Variants in SIL1 observed in about 807,000 individuals in gnomAD.
SIL1 encodes the protein nucleotide exchange factor SIL1.
Under a neutral mutation model 49.1 loss-of-function variants are expected in SIL1, and 40 were observed. That is an observed-to-expected ratio of 0.81 (90% confidence interval 0.63 to 1.06). The LOEUF (loss-of-function observed/expected upper bound fraction) is 1.06. Among genes scored for constraint, SIL1 ranks in the 50% least tolerant of loss-of-function variants. The pLI is 0.00. For synonymous variants in SIL1, 253 were observed against 250.8 expected (o/e 1.01, Z -0.08); for missense variants, 500 against 572.6 (o/e 0.87, Z 1.29).
intron 1 of SIL1, among the ~76,000 whole-genome samples, chr5:139,128,392 T>C (rs1185863773): frequency 1.3e-5 from 2 of 152,042 alleles, no homozygotes; most frequent in East Asian, 3.9e-4. Context: ...CAGTAGCTAT[T>C]AAAAGGACAG....
chr5:139,007,141 A>G (rs1768138325), intron 7 of SIL1, among the ~76,000 whole-genome samples: 1 of 146,538 alleles, frequency 6.8e-6, no homozygotes, highest in Non-Finnish European at 1.5e-5. Flanking sequence ...TTCATTGAGC[A>G]GTGTTTTGTA....
intron 3 of SIL1, among the ~76,000 whole-genome samples, chr5:139,070,004 A>G (rs941532434): frequency 2.0e-4 from 30 of 152,194 alleles, no homozygotes; most frequent in African/African-American, 7.2e-4. Context: ...CATCCCAGAC[A>G]ATGAAAATAA....
chr5:139,027,022 T>C (rs757752787), intron 5 of SIL1, 30 bp from the exon 6 acceptor site: 4 of 1,612,512 alleles, frequency 2.5e-6, no homozygotes, highest in South Asian at 1.1e-5. Flanking sequence ...GGTGATTAAA[T>C]TGGTTGGAGA....
chr5:139,046,055 G>A (rs1459181403), intron 4 of SIL1, among the ~76,000 whole-genome samples: 8 of 152,262 alleles, frequency 5.3e-5, no homozygotes, highest in African/African-American at 1.2e-4. Context: ...GCAGCTGGGC[G>A]CGGTGGCTCA....
chr5:139,032,998 T>C (rs1482192623), intron 5 of SIL1: 1 of 152,152 alleles, frequency 6.6e-6, no homozygotes. Context: ...GTTTTTGTTT[T>C]GTTTTTTGTT....
intron 1 of SIL1, among the ~76,000 whole-genome samples, chr5:139,141,293 A>G (rs955603115): frequency 2.6e-5 from 4 of 152,200 alleles, no homozygotes; most frequent in Non-Finnish European, 5.9e-5. Context: ...TTGGAAGAGT[A>G]CAATGGAAAA....
chr5:139,001,422 T>G (rs1182725615), intron 7 of SIL1, among the ~76,000 whole-genome samples: 1 of 152,212 alleles, frequency 6.6e-6, no homozygotes, highest in East Asian at 1.9e-4. Flanking sequence ...ATTGCAACAT[T>G]GTGTATAACA....
chr5:139,038,876 G>A (rs903043749), intron 5 of SIL1, among the ~76,000 whole-genome samples: 2 of 152,174 alleles, frequency 1.3e-5, no homozygotes, highest in Non-Finnish European at 2.9e-5. Flanking sequence ...AGTTGGGGGT[G>A]GAAGTACAGA....
At chr5:139,059,286 A>G (rs976177563) in intron 3 of SIL1, among the ~76,000 whole-genome samples, 1 of 152,066 alleles carries the variant, frequency 6.6e-6, no homozygotes, top group Non-Finnish European at 1.5e-5. Context: ...ATGGTTTTAT[A>G]AAGGGCAGTT....
At chr5:139,180,505 A>G (rs1323755919) in intron 1 of SIL1, among the ~76,000 whole-genome samples, 2 of 149,420 alleles carry the variant, frequency 1.3e-5, no homozygotes, top group African/African-American at 5.0e-5. Context: ...CCCCTTTACC[A>G]CCACCTTCCT....
In SIL1 at chr5:138,948,091, G is replaced by A. The variant is rs1462968796; in HGVS notation, c.1030-618C>T. Among the ~76,000 whole-genome samples the A allele has an allele frequency of 1.3e-5, 2 of 152,214 alleles. No homozygotes were observed. The highest frequency in any genetic ancestry group is 2.9e-5 in the Non-Finnish European group (2 of 68,044). ...GATCTCCCGTGCAGCTGTAGGAAGTGTGCCTGTATGGAGAAAGAAGGAATG... is the reference window on the plus strand; with the variant it reads ...GATCTCCCGTGCAGCTGTAGGAAGTATGCCTGTATGGAGAAAGAAGGAATG... On this transcript the variant is annotated intron_variant, in intron 9 of 9. Coordinates refer to ENST00000394817, the MANE Select transcript of SIL1 (RefSeq NM_022464.5). The surrounding 1 kb of genome is among the most constrained non-coding windows in gnomAD (Gnocchi z 4.8).
Position 138,998,852 on chromosome 5 carries a change from CTTTTT to C in SIL1, c.767+22314_767+22318del, listed in dbSNP as rs35074969. On this transcript the variant is annotated intron_variant, in intron 7 of 9. Coordinates refer to ENST00000394817, the MANE Select transcript of SIL1 (RefSeq NM_022464.5). Reference sequence around the variant, plus strand: ...AGTAGGATGCAGAGGATTATCTTTCCTTTTTTTTTTTTTTTTTTTTTTTGAGACAG... The same window carrying C: ...AGTAGGATGCAGAGGATTATCTTTCCTTTTTTTTTTTTTTTTTTGAGACAG... Among the ~76,000 whole-genome samples the C allele has an allele frequency of 1.5e-3, 145 of 98,766 alleles. 4 individuals are homozygous for C. The highest frequency in any genetic ancestry group is 0.015 in the South Asian group (44 of 3,034). The allele number at this position is 98,766 out of a possible 152,430, so 64.8% of individuals were successfully genotyped here.
intron 3 of SIL1, among the ~76,000 whole-genome samples, chr5:139,100,290 A>C (rs530156862): frequency 3.7e-4 from 57 of 152,354 alleles, no homozygotes; most frequent in African/African-American, 1.3e-3. Context: ...AGCTAGCCAC[A>C]AAGCCATCCA....
At chr5:139,025,632 C>T (rs1768629609) in intron 6 of SIL1, among the ~76,000 whole-genome samples, 1 of 152,134 alleles carries the variant, frequency 6.6e-6, no homozygotes, top group African/African-American at 2.4e-5. Flanking sequence ...CTCCAGCCCC[C>T]GAACCTTCCC....
intron 3 of SIL1, among the ~76,000 whole-genome samples, chr5:139,087,808 A>G (rs1447973652): frequency 6.6e-6 from 1 of 152,100 alleles, no homozygotes; most frequent in African/African-American, 2.4e-5. Flanking sequence ...CTTAAGAGAA[A>G]ACCTTCTCCC....
At chr5:139,066,488 G>C (rs749203495) in intron 3 of SIL1, among the ~76,000 whole-genome samples, 38 of 150,902 alleles carry the variant, frequency 2.5e-4, no homozygotes, top group Non-Finnish European at 3.2e-4. Context: ...AGGCTAGCTT[G>C]AGCAACAACT....
At chr5:139,023,226 G>C (rs1019601026) in intron 6 of SIL1, among the ~76,000 whole-genome samples, 25 of 151,558 alleles carry the variant, frequency 1.6e-4, no homozygotes, top group African/African-American at 3.4e-4. Flanking sequence ...CAAAAGCTGG[G>C]CCCCCCCCTG....
chr5:139,111,766 C>A (rs1420185803), intron 3 of SIL1, among the ~76,000 whole-genome samples: 4 of 152,194 alleles, frequency 2.6e-5, no homozygotes, highest in Non-Finnish European at 5.9e-5. Flanking sequence ...CTCCTCATCT[C>A]CCAGCACAGC....
chr5:138,995,906 A>G (rs1282591145), intron 7 of SIL1, among the ~76,000 whole-genome samples: 2 of 152,316 alleles, frequency 1.3e-5, no homozygotes, highest in Non-Finnish European at 1.5e-5. Context: ...TTTATTGTGT[A>G]TATGTGCCAC....
Sources: allele counts gnomAD v4.1 joint callset (sites outside exome capture counted in the v4.1 genomes callset), GRCh38; gene constraint gnomAD v4.1.1; non-coding constraint Gnocchi (gnomAD v3.1); transcripts MANE v1.5; gene names NCBI Gene and HGNC (gene_info 2026-07-23, HGNC 2026-07-21).